The following NFE2 variants were observed in gnomAD, a reference collection of about 807,000 sequenced individuals.
NFE2 encodes the protein transcription factor NF-E2 45 kDa subunit.
A neutral mutation model predicts 25.8 loss-of-function variants in NFE2; 13 were observed. The observed-to-expected ratio is 0.50, with a 90% CI of 0.33 to 0.80. NFE2 has a LOEUF of 0.80. Among genes scored for constraint, NFE2 ranks in the 30% least tolerant of loss-of-function variants. The pLI, the probability that NFE2 is intolerant of heterozygous loss-of-function variation, is 0.02. For synonymous variants in NFE2, 204 were observed against 200.2 expected (o/e 1.02, Z -0.16); for missense variants, 382 against 478.9 (o/e 0.80, Z 1.89).
At chr12:54,293,465 G>A in intron 2 of NFE2, 84 bp from the exon 3 acceptor site, 1 of 1,360,668 alleles carries the variant, frequency 7.3e-7, no homozygotes, top group Non-Finnish European at 9.6e-7. Context: ...GGATTCTTCT[G>A]AAAGTCGCAG....
intron 1 of NFE2, among the ~76,000 whole-genome samples, chr12:54,296,391 C>T (rs1565887105): frequency 8.1e-6 from 1 of 123,154 alleles, no homozygotes; most frequent in Non-Finnish European, 1.6e-5. Flanking sequence ...GCCTGGCTGA[C>T]AGAGTTAGAC....
At chr12:54,300,423 A>T (rs970365230) in intron 1 of NFE2, 3 of 152,334 alleles carry the variant, frequency 2.0e-5, no homozygotes, top group African/African-American at 7.2e-5. Context: ...TCAGCTGCCT[A>T]GACAGGGCAG....
chr12:54,297,356 CAAAAAA>C lies in NFE2; in HGVS notation c.-56-2058_-56-2053del, dbSNP rs35611028. Among the ~76,000 whole-genome samples, 166 of 50,012 alleles carry C rather than the reference CAAAAAA, an allele frequency of 3.3e-3. 1 individual carries two copies. Among genetic ancestry groups the C allele is most frequent in the African/African-American group, 0.015 (162 of 11,168 alleles). 32.8% of individuals were successfully genotyped at this position (50,012 alleles called of 152,430 possible). On this transcript the variant is annotated intron_variant, in intron 1 of 2. Coordinates refer to ENST00000435572, the MANE Select transcript of NFE2 (RefSeq NM_001136023.3). ...TGGGTGACAGAGCAAGACCCTGTCT[CAAAAAA>C]AAAAAAAAAAAAAAAAAACGGCCAG...
chr12:54,293,145 A>G lies in NFE2; in HGVS notation c.351T>C (p.Ser117=). The change falls in exon 3 of 3, where the codon AGT becomes AGC. Residue 117 remains serine (S), a synonymous_variant. Transcript: ENST00000435572. The part of the protein sequence containing the change: ...SKPLSLSGLL[S]EPLQDPLALL... The stretch of plus-strand genomic sequence containing the variant: ...GGGCTAAGGGGTCTTGGAGCGGCTC[A>G]CTGAGCAGGCCTGAGAGGCTCAGTG... The G allele has an allele frequency of 2.6e-6, 4 of 1,533,318 alleles. No individual in the cohort carries two copies. Among genetic ancestry groups the G allele is most frequent in the Non-Finnish European group, 3.5e-6 (4 of 1,139,646 alleles). 95.0% of individuals were successfully genotyped at this position (1,533,318 alleles called of 1,614,324 possible).
rs763285388 is a variant in NFE2 at position 54,299,458 on chromosome 12, C to T, written c.-57+1343G>A. On this transcript the variant is annotated intron_variant, in intron 1 of 2. Coordinates refer to ENST00000435572, the MANE Select transcript of NFE2 (RefSeq NM_001136023.3). ...GTTTAGCTTTTGCATTTTGGGGTCACACCACCATCTTACTCCCACTGGGTT... is the reference window on the plus strand; with the variant it reads ...GTTTAGCTTTTGCATTTTGGGGTCATACCACCATCTTACTCCCACTGGGTT... Among the ~76,000 whole-genome samples, 3 of 152,220 alleles carry T rather than the reference C, an allele frequency of 2.0e-5. No homozygotes were observed. The East Asian group carries it at 5.8e-4, about 29-fold the overall frequency.
chr12:54,293,503 C>A, intron 2 of NFE2, 122 bp from the exon 3 acceptor site: 2 of 1,133,658 alleles, frequency 1.8e-6, no homozygotes, highest in South Asian at 2.8e-5. Context: ...AACAAAGTTG[C>A]CACAAATCAC....
intron 1 of NFE2, 134 bp downstream of exon 1, chr12:54,300,667 A>C (rs1162224563): frequency 2.0e-5 from 3 of 152,208 alleles, no homozygotes; most frequent in African/African-American, 4.8e-5. Flanking sequence ...AACCAGGGGC[A>C]ATCTAGAAAG....
chr12:54,293,233 G>A lies in NFE2; in HGVS notation c.263C>T (p.Ser88Phe), dbSNP rs866428497. Residue 88 changes from serine to phenylalanine, a missense_variant, in exon 3 of 3, where the codon TCC (serine) becomes TTC (phenylalanine). By Grantham distance (155) the Ser-to-Phe change is radical (BLOSUM62 -2). Coordinates refer to ENST00000435572, the MANE Select transcript of NFE2 (RefSeq NM_001136023.3). ...TGGGGGATCTGGGACATGGGATGTG[G>A]ATGCTGGGAGCTCATAAGGTGGTGG... Reference protein sequence around the residue: ...LPPPPYELPASTSHVPDPPYS... With the variant: ...LPPPPYELPAFTSHVPDPPYS... 6.2e-7 allele frequency: 1 copy of A among 1,610,332 alleles called. No individual in the cohort carries two copies. The highest frequency in any genetic ancestry group is 1.3e-5 in the African/African-American group (1 of 74,796).
intron 1 of NFE2, among the ~76,000 whole-genome samples, chr12:54,297,100 G>A (rs1944378555): frequency 6.6e-6 from 1 of 152,094 alleles, no homozygotes; most frequent in African/African-American, 2.4e-5. Context: ...ACATGGGAGA[G>A]GGGAAGCACT....
At chr12:54,294,713 T>C (rs1944353712) in intron 2 of NFE2, among the ~76,000 whole-genome samples, 1 of 152,078 alleles carries the variant, frequency 6.6e-6, no homozygotes, top group Admixed American at 6.5e-5. Context: ...ATAGTCCGAC[T>C]CCCCTTCCTG....
rs1390836843 is a variant in NFE2, at chr12:54,293,337, T to G, written c.159A>C (p.Pro53=). 3.8e-6 allele frequency: 6 copies of G among 1,559,862 alleles called. No homozygotes were observed. In the South Asian group the frequency reaches 7.2e-5, roughly 19 times the overall value. Residue 53 remains proline (P), a synonymous_variant, in exon 3 of 3, where the codon CCA becomes CCC. Coordinates refer to ENST00000435572, the MANE Select transcript of NFE2 (RefSeq NM_001136023.3). ...GTGGTGGAGGTCCAAGGTATGGAGC[T>G]GGGGCTTGGGGCTCAAATGATGGCT... ...PSEPSFEPQA[P]APYLGPPPPT... is the part of the protein sequence containing the mutation.
Position 54,292,918 on chromosome 12 carries a change from T to C in NFE2, c.578A>G (p.Asn193Ser). 6.2e-7 allele frequency: 1 copy of C among 1,605,716 alleles called. No homozygotes were observed. The highest frequency in any genetic ancestry group is 1.1e-5 in the South Asian group (1 of 89,838). The change falls in exon 3 of 3, where the codon AAC becomes AGC. Residue 193 changes from asparagine to serine, a missense_variant. Coordinates refer to ENST00000435572, the MANE Select transcript of NFE2 (RefSeq NM_001136023.3). ...GGTCTCAGCAGCTGGCAAGGTATAG[T>C]TGGAGTGGGCCAAGGAGTTGGGCAT... ...SLMPNSLAHSNYTLPAAETPL... is the reference protein window; with the variant it reads ...SLMPNSLAHSSYTLPAAETPL...
chr12:54,294,740 G>T (rs35190455), intron 2 of NFE2, among the ~76,000 whole-genome samples: 3 of 152,276 alleles, frequency 2.0e-5, no homozygotes, highest in South Asian at 4.1e-4. Context: ...CTGAACTACT[G>T]CTCTGTTACC....
chr12:54,299,790 T>C (rs998364340), intron 1 of NFE2, among the ~76,000 whole-genome samples: 2 of 151,978 alleles, frequency 1.3e-5, no homozygotes, highest in African/African-American at 4.8e-5. Context: ...TTTCTGAGGC[T>C]TATTTGACCA....
chr12:54,299,805 A>G (rs558151106), intron 1 of NFE2, among the ~76,000 whole-genome samples: 3 of 152,138 alleles, frequency 2.0e-5, no homozygotes, highest in East Asian at 3.9e-4. Context: ...TGACCACCTC[A>G]CCTCTCCAGG....
intron 1 of NFE2, chr12:54,297,882 TC>T (rs1055287777): frequency 1.3e-5 from 2 of 151,994 alleles, no homozygotes; most frequent in African/African-American, 4.8e-5. Context: ...CTTGCCTCCA[TC>T]CCCTTGTTTT....
intron 1 of NFE2, among the ~76,000 whole-genome samples, chr12:54,296,759 T>G (rs1039456735): frequency 2.6e-5 from 4 of 152,120 alleles, no homozygotes; most frequent in African/African-American, 4.8e-5. Context: ...GGGCAAGCCA[T>G]CTCACTTCTC....
intron 1 of NFE2, among the ~76,000 whole-genome samples, chr12:54,299,496 T>G (rs1381929178): frequency 6.6e-6 from 1 of 152,304 alleles, no homozygotes; most frequent in East Asian, 1.9e-4. Flanking sequence ...CTGTTCCTTC[T>G]CTTACTCCCC....
At chr12:54,300,617 G>A (rs1250238417) in intron 1 of NFE2, among the ~76,000 whole-genome samples, 184 bp downstream of exon 1, 1 of 152,128 alleles carries the variant, frequency 6.6e-6, no homozygotes, top group Non-Finnish European at 1.5e-5. Flanking sequence ...AACCACTTAG[G>A]TCTTCTCCTA....
Sources: gnomAD v4.1 joint callset for allele counts (sites outside exome capture counted in the v4.1 genomes callset) on GRCh38, gnomAD v4.1.1 for gene constraint, MANE v1.5 for transcripts, NCBI Gene and HGNC (gene_info 2026-07-23, HGNC 2026-07-21) for gene names.